The following TNR variants were observed in gnomAD, a reference collection of about 807,000 sequenced individuals.
TNR encodes the protein tenascin-R.
In TNR, 45 loss-of-function variants were observed where a neutral mutation model predicts 150.4. The ratio of observed to expected loss-of-function variants is 0.30; its 90% confidence interval spans 0.24 to 0.38. The LOEUF (loss-of-function observed/expected upper bound fraction) is 0.38. Among genes scored for constraint, TNR ranks in the 10% least tolerant of loss-of-function variants. The pLI is 1.00. For synonymous variants in TNR, 687 were observed against 678.4 expected (o/e 1.01, Z -0.20); for missense variants, 1,544 against 1,759.1 (o/e 0.88, Z 2.19).
At chr1:175,692,539 T>C (rs1398065220) in intron 1 of TNR, among the ~76,000 whole-genome samples, 1 of 152,204 alleles carries the variant, frequency 6.6e-6, no homozygotes, top group African/African-American at 2.4e-5. Flanking sequence ...AGTCTTTAAT[T>C]TGCAGCTATA....
chr1:175,376,879 T>TATATATATAC (rs36055169), intron 9 of TNR, among the ~76,000 whole-genome samples: 2,398 of 146,482 alleles, frequency 0.016, 55 homozygotes, highest in African/African-American at 0.053. Context: ...TATATATATA[T>TATATATATAC]ACACATATAT....
chr1:175,727,431 C>T (rs1025882334), intron 1 of TNR, among the ~76,000 whole-genome samples: 5 of 152,104 alleles, frequency 3.3e-5, no homozygotes, highest in African/African-American at 1.2e-4. Context: ...GGATGGAAGC[C>T]TGCTTGGGAG....
intron 18 of TNR, among the ~76,000 whole-genome samples, chr1:175,339,840 A>G (rs960289023): frequency 6.6e-6 from 1 of 152,246 alleles, no homozygotes; most frequent in Non-Finnish European, 1.5e-5. Context: ...AAATACACAT[A>G]TAAATCTAAA....
chr1:175,349,252 G>A (rs1650942422), intron 18 of TNR, among the ~76,000 whole-genome samples: 1 of 152,260 alleles, frequency 6.6e-6, no homozygotes, highest in Non-Finnish European at 1.5e-5. Context: ...TATTCCAGAA[G>A]GCATTACCTT....
intron 2 of TNR, among the ~76,000 whole-genome samples, chr1:175,485,430 G>A (rs1657969409): frequency 6.6e-6 from 1 of 152,150 alleles, no homozygotes; most frequent in South Asian, 2.1e-4. Context: ...AGACCAAGGA[G>A]CACACAGGAC....
At chr1:175,376,879 T>TATATATATATATATATAC (rs36055169) in intron 9 of TNR, among the ~76,000 whole-genome samples, 4 of 146,540 alleles carry the variant, frequency 2.7e-5, no homozygotes, top group East Asian at 2.0e-4. Context: ...TATATATATA[T>TATATATATATATATATAC]ACACATATAT....
At chr1:175,548,972 T>C (rs1660828711) in intron 1 of TNR, among the ~76,000 whole-genome samples, 1 of 152,216 alleles carries the variant, frequency 6.6e-6, no homozygotes, top group Non-Finnish European at 1.5e-5. Flanking sequence ...AATCACCATG[T>C]CCCTGTGCCA....
At chr1:175,517,312 C>A (rs1659455390) in intron 2 of TNR, among the ~76,000 whole-genome samples, 1 of 152,134 alleles carries the variant, frequency 6.6e-6, no homozygotes, top group Non-Finnish European at 1.5e-5. Flanking sequence ...GAGTTCTTTT[C>A]TGGGAGACTG....
At chr1:175,437,087 C>A (rs1655547998) in intron 2 of TNR, among the ~76,000 whole-genome samples, 1 of 152,206 alleles carries the variant, frequency 6.6e-6, no homozygotes, top group Non-Finnish European at 1.5e-5. Context: ...CTTCTCAGCA[C>A]CACACCACAC....
At chr1:175,457,899 T>A (rs750809100) in intron 2 of TNR, among the ~76,000 whole-genome samples, 1 of 152,218 alleles carries the variant, frequency 6.6e-6, no homozygotes. Context: ...AAAATTGATA[T>A]CATAAAAGCC....
chr1:175,489,367 G>A (rs951137255), intron 2 of TNR, among the ~76,000 whole-genome samples: 1 of 152,204 alleles, frequency 6.6e-6, no homozygotes, highest in African/African-American at 2.4e-5. Context: ...TACGGTCATA[G>A]CTGCCATCCT....
At chr1:175,546,842 G>A (rs1660707825) in intron 1 of TNR, among the ~76,000 whole-genome samples, 1 of 152,154 alleles carries the variant, frequency 6.6e-6, no homozygotes. Flanking sequence ...TTGGCAGTGA[G>A]CTGAGTAAAA....
chr1:175,693,397 G>A (rs938514702), intron 1 of TNR, among the ~76,000 whole-genome samples: 9 of 152,264 alleles, frequency 5.9e-5, no homozygotes, highest in South Asian at 2.1e-4. Flanking sequence ...ACTGTCTCCC[G>A]ACAGAAATCC....
intron 18 of TNR, among the ~76,000 whole-genome samples, chr1:175,353,155 G>A (rs1383764745): frequency 6.6e-6 from 1 of 150,954 alleles, no homozygotes; most frequent in Non-Finnish European, 1.5e-5. Context: ...AGTGGGAGGT[G>A]GTAGAGAGAA....
chr1:175,485,670 C>T (rs557691240), intron 2 of TNR, among the ~76,000 whole-genome samples: 33 of 152,270 alleles, frequency 2.2e-4, no homozygotes, highest in Non-Finnish European at 2.8e-4. Context: ...CTGGGGATAT[C>T]ACAGCTCTCC....
rs142531948 is a variant in TNR at position 175,677,447 on chromosome 1, G to A, written c.-165+65779C>T. Among the ~76,000 whole-genome samples the A allele has an allele frequency of 6.6e-3, 1,002 of 152,306 alleles. 14 individuals carry two copies. Among genetic ancestry groups the A allele is most frequent in the African/African-American group, 0.023 (964 of 41,552 alleles). ...GCTTTCTGGAAGTAGCCACAGGAGGGAGAAGTCATCCTCACGAGGGACTCT... is the reference window on the plus strand; with the variant it reads ...GCTTTCTGGAAGTAGCCACAGGAGGAAGAAGTCATCCTCACGAGGGACTCT... On this transcript the variant is annotated intron_variant, in intron 1 of 22. Coordinates refer to ENST00000367674, the MANE Select transcript of TNR (RefSeq NM_003285.3).
chr1:175,394,549 A>G (rs1187301767), intron 5 of TNR, among the ~76,000 whole-genome samples: 2 of 152,078 alleles, frequency 1.3e-5, no homozygotes, highest in Admixed American at 6.5e-5. Flanking sequence ...ACAGTCACAT[A>G]CACATGCACA....
At chr1:175,682,756 A>G (rs577736847) in intron 1 of TNR, among the ~76,000 whole-genome samples, 1 of 152,294 alleles carries the variant, frequency 6.6e-6, no homozygotes, top group South Asian at 2.1e-4. Flanking sequence ...GTTGTACCAA[A>G]GAACCTCCTC....
intron 7 of TNR, among the ~76,000 whole-genome samples, chr1:175,390,260 A>G (rs1379347577): frequency 6.6e-6 from 1 of 152,190 alleles, no homozygotes. Flanking sequence ...TGTGGTTCTC[A>G]TCTCTGGTCA....
Sources: allele counts gnomAD v4.1 joint callset (sites outside exome capture counted in the v4.1 genomes callset), GRCh38; gene constraint gnomAD v4.1.1; transcripts MANE v1.5; gene names NCBI Gene and HGNC (gene_info 2026-07-23, HGNC 2026-07-21).